FTO: variants seen among roughly 807,000 people sequenced by gnomAD.
The protein encoded by FTO is FTO alpha-ketoglutarate dependent dioxygenase.
FTO carries 47 observed loss-of-function variants against 63.9 expected under a neutral mutation model. That is an observed-to-expected ratio of 0.74 (90% CI 0.58 to 0.94). The LOEUF (loss-of-function observed/expected upper bound fraction) is 0.94, where lower values mean the gene tolerates loss of function less well. FTO is among the 40% of genes least tolerant of loss of function. FTO has a pLI of 0.00. For missense variants in FTO, 562 were observed against 618.1 expected (o/e 0.91, Z 0.96); for synonymous variants, 207 against 224.4 (o/e 0.92, Z 0.69).
intron 1 of FTO, among the ~76,000 whole-genome samples, chr16:53,740,825 A>G (rs566824514): frequency 2.0e-5 from 3 of 152,346 alleles, no homozygotes; most frequent in South Asian, 2.1e-4. Context: ...TAATAATAAA[A>G]TACATAACCA....
intron 1 of FTO, among the ~76,000 whole-genome samples, chr16:53,800,557 A>G (rs1228037412): frequency 6.6e-6 from 1 of 152,186 alleles, no homozygotes; most frequent in Non-Finnish European, 1.5e-5. Context: ...TTGTTCTACC[A>G]GTTATTAAGA....
chr16:53,780,815 ATCT>A (rs1403934671), intron 1 of FTO, among the ~76,000 whole-genome samples: 2 of 152,166 alleles, frequency 1.3e-5, no homozygotes, highest in South Asian at 2.1e-4. Flanking sequence ...CAGGACTTTC[ATCT>A]TCTTCTTTAT....
intron 1 of FTO, among the ~76,000 whole-genome samples, chr16:53,742,383 C>A (rs1386398559): frequency 6.6e-6 from 1 of 152,086 alleles, no homozygotes; most frequent in Non-Finnish European, 1.5e-5. Flanking sequence ...TTTGGTGACA[C>A]ATTGTTGCCC....
rs1169039527 is a variant in FTO at position 53,760,621 on chromosome 16, C to CTT, written c.46-49500_46-49499dup. ...TTAACATCTCTCATCTGCTTGCTTT[C>CTT]TTTTTTTTTTTTTTTTTTTTCCTGA... is the stretch of plus-strand genomic sequence containing the variant. On this transcript the variant is annotated intron_variant, in intron 1 of 8. Transcript: ENST00000471389. Among the ~76,000 whole-genome samples, 319 of 112,024 alleles carry CTT rather than the reference C, an allele frequency of 2.8e-3. 6 individuals are homozygous for CTT. Among genetic ancestry groups the CTT allele is most frequent in the Non-Finnish European group, 3.6e-3 (199 of 55,308 alleles). 73.5% of individuals were successfully genotyped at this position (112,024 alleles called of 152,430 possible). A position where few individuals can be genotyped will look rare whatever the true frequency, so the allele number is the denominator to read the frequency against.
At chr16:53,782,624 G>A (rs2077616774) in intron 1 of FTO, among the ~76,000 whole-genome samples, 1 of 152,206 alleles carries the variant, frequency 6.6e-6, no homozygotes, top group Admixed American at 6.5e-5. Flanking sequence ...CCTCCAGATT[G>A]ATTAAGTGGT....
chr16:53,760,907 G>A (rs763187027), intron 1 of FTO, among the ~76,000 whole-genome samples: 2 of 152,032 alleles, frequency 1.3e-5, no homozygotes, highest in Non-Finnish European at 2.9e-5. Flanking sequence ...GATTACAGGC[G>A]TGAGCCACTG....
chr16:53,785,508 A>G (rs2077710455), intron 1 of FTO, among the ~76,000 whole-genome samples: 1 of 152,170 alleles, frequency 6.6e-6, no homozygotes, highest in East Asian at 1.9e-4. Flanking sequence ...TTGATGAGAA[A>G]GAGAAAGTTG....
At chr16:53,839,073 T>C (rs2079388990) in intron 3 of FTO, among the ~76,000 whole-genome samples, 1 of 152,222 alleles carries the variant, frequency 6.6e-6, no homozygotes, top group African/African-American at 2.4e-5. Flanking sequence ...TATTTTGTGC[T>C]TTATTAAATA....
chr16:54,067,520 T>G (rs2085762478), intron 8 of FTO, among the ~76,000 whole-genome samples: 1 of 152,266 alleles, frequency 6.6e-6, no homozygotes, highest in Non-Finnish European at 1.5e-5. Context: ...CCACCAGCTG[T>G]CTGACAGTGT....
chr16:53,797,541 ATTTCTT>A (rs2078108411), intron 1 of FTO, among the ~76,000 whole-genome samples: 1 of 151,968 alleles, frequency 6.6e-6, no homozygotes, highest in African/African-American at 2.4e-5. Flanking sequence ...ATATACCATA[ATTTCTT>A]TTTCTTTTTT....
intron 1 of FTO, among the ~76,000 whole-genome samples, chr16:53,798,267 A>G (rs1005737257): frequency 9.9e-5 from 15 of 152,072 alleles, no homozygotes; most frequent in African/African-American, 3.1e-4. Context: ...TACTTTTTCA[A>G]AGATGTTTTG....
At chr16:53,991,721 G>A (rs557643327) in intron 8 of FTO, 1 of 152,220 alleles carries the variant, frequency 6.6e-6, no homozygotes, top group East Asian at 1.9e-4. Context: ...CCCTTTGATT[G>A]AGTGCCAGGA....
intron 1 of FTO, among the ~76,000 whole-genome samples, chr16:53,783,251 G>A (rs551775394): frequency 6.6e-5 from 10 of 152,188 alleles, no homozygotes; most frequent in African/African-American, 2.4e-4. Context: ...GGAGCCTGAG[G>A]TGGGTGAATC....
intron 7 of FTO, among the ~76,000 whole-genome samples, chr16:53,907,016 C>T (rs1313299549): frequency 6.6e-6 from 1 of 152,146 alleles, no homozygotes; most frequent in Non-Finnish European, 1.5e-5. Context: ...CTATGGTCTC[C>T]TATACTCTTC....
chr16:53,740,017 C>T (rs2076494082), intron 1 of FTO, among the ~76,000 whole-genome samples: 1 of 152,124 alleles, frequency 6.6e-6, no homozygotes, highest in African/African-American at 2.4e-5. Context: ...ATTAAGATAA[C>T]CATGTTGACT....
intron 1 of FTO, among the ~76,000 whole-genome samples, chr16:53,742,730 TA>T (rs2076554532): frequency 6.6e-6 from 1 of 152,226 alleles, no homozygotes; most frequent in South Asian, 2.1e-4. Flanking sequence ...GTATCTGAGT[TA>T]ATCTTCATCA....
intron 8 of FTO, among the ~76,000 whole-genome samples, chr16:54,093,587 C>T (rs1383872527): frequency 2.0e-5 from 3 of 152,200 alleles, no homozygotes; most frequent in Non-Finnish European, 4.4e-5. Context: ...CTCCATTAAT[C>T]GGCCTGTTTG....
At chr16:54,034,038 G>A (rs1050095504) in intron 8 of FTO, 3 of 152,188 alleles carry the variant, frequency 2.0e-5, no homozygotes, top group Admixed American at 2.0e-4. Context: ...CAGGTAGGAG[G>A]GTTGCTGCGA....
intron 1 of FTO, among the ~76,000 whole-genome samples, chr16:53,719,935 ATACTT>A (rs766094465): frequency 3.3e-5 from 5 of 151,920 alleles, no homozygotes; most frequent in Non-Finnish European, 5.9e-5. Context: ...TATATAGACT[ATACTT>A]TATTTTTCTT....
Sources: allele counts gnomAD v4.1 joint callset (sites outside exome capture counted in the v4.1 genomes callset), GRCh38; gene constraint gnomAD v4.1.1; transcripts MANE v1.5; gene names NCBI Gene and HGNC (gene_info 2026-07-23, HGNC 2026-07-21).